Variants in CSMD1 observed in about 807,000 individuals in gnomAD.
CSMD1 encodes CUB and Sushi multiple domains 1.
Under a neutral mutation model 417.5 loss-of-function variants are expected in CSMD1, and 213 were observed. The ratio of observed to expected loss-of-function variants is 0.51; its 90% confidence interval spans 0.46 to 0.57. The LOEUF is 0.57. Among genes scored for constraint, CSMD1 ranks in the 20% least tolerant of loss-of-function variants. The pLI is 0.00. For synonymous variants in CSMD1, 2,862 were observed against 1,736.8 expected (o/e 1.65, Z -16.11); for missense variants, 6,923 against 4,529.7 (o/e 1.53, Z -15.17).
intron 49 of CSMD1, among the ~76,000 whole-genome samples, chr8:3,080,216 T>C (rs890478139): frequency 2.6e-5 from 4 of 152,224 alleles, no homozygotes; most frequent in Admixed American, 2.6e-4. Context: ...CACTCTGATG[T>C]GCCAGTTTAA....
At chr8:4,289,925 A>C (rs1052609015) in intron 3 of CSMD1, among the ~76,000 whole-genome samples, 1 of 152,250 alleles carries the variant, frequency 6.6e-6, no homozygotes, top group Non-Finnish European at 1.5e-5. Context: ...GCAAGTGAGT[A>C]ATTAGAATCA....
At chr8:4,305,884 G>A (rs1362115371) in intron 3 of CSMD1, among the ~76,000 whole-genome samples, 1 of 152,096 alleles carries the variant, frequency 6.6e-6, no homozygotes, top group Non-Finnish European at 1.5e-5. Flanking sequence ...GTGTGTATAT[G>A]CAATTGTTCT....
At chr8:3,247,512 C>A (rs561343725) in intron 26 of CSMD1, among the ~76,000 whole-genome samples, 61 of 152,196 alleles carry the variant, frequency 4.0e-4, no homozygotes, top group Non-Finnish European at 7.5e-4. Flanking sequence ...CCCATCCAAC[C>A]CTACGAGGCA....
At chr8:4,428,849 T>G (rs1253984714) in intron 2 of CSMD1, among the ~76,000 whole-genome samples, 2 of 152,016 alleles carry the variant, frequency 1.3e-5, no homozygotes, top group African/African-American at 4.8e-5. Context: ...CTCCTGAGTA[T>G]CTGGGATTAC....
chr8:3,234,618 G>C (rs1419531978), intron 26 of CSMD1, among the ~76,000 whole-genome samples: 1 of 152,180 alleles, frequency 6.6e-6, no homozygotes. Context: ...GCAAAGACTG[G>C]AACACAGGGA....
chr8:3,714,286 T>C (rs577426263), intron 6 of CSMD1, among the ~76,000 whole-genome samples: 3 of 151,166 alleles, frequency 2.0e-5, no homozygotes, highest in Non-Finnish European at 4.4e-5. Flanking sequence ...ATTTAATCAA[T>C]AGATTTCTGT....
At chr8:4,378,047 A>G (rs1375772299) in intron 3 of CSMD1, among the ~76,000 whole-genome samples, 1 of 152,232 alleles carries the variant, frequency 6.6e-6, no homozygotes, top group Non-Finnish European at 1.5e-5. Flanking sequence ...AGGTAAGTGT[A>G]ACACCCACTA....
chr8:4,753,373 T>C (rs1016527235), intron 1 of CSMD1, among the ~76,000 whole-genome samples: 1 of 151,176 alleles, frequency 6.6e-6, no homozygotes, highest in African/African-American at 2.4e-5. Flanking sequence ...TAAGGTCTGT[T>C]TTTGTCTCTT....
intron 3 of CSMD1, among the ~76,000 whole-genome samples, chr8:4,402,953 G>A (rs1804748493): frequency 1.3e-5 from 2 of 151,402 alleles, no homozygotes; most frequent in African/African-American, 4.9e-5. Flanking sequence ...CTGAGTAGCT[G>A]GGACTACAGG....
At chr8:4,377,838 C>G (rs191204658) in intron 3 of CSMD1, among the ~76,000 whole-genome samples, 3 of 152,086 alleles carry the variant, frequency 2.0e-5, no homozygotes, top group Admixed American at 1.3e-4. Flanking sequence ...ATTTTTGCCC[C>G]AATTAGTATA....
intron 3 of CSMD1, among the ~76,000 whole-genome samples, chr8:4,233,971 C>CG (rs1174986109): frequency 2.4e-5 from 3 of 125,048 alleles, no homozygotes; most frequent in Non-Finnish European, 5.0e-5. Context: ...GGTAAAACGG[C>CG]GGGGGGTGGG....
intron 10 of CSMD1, among the ~76,000 whole-genome samples, chr8:3,540,728 T>G (rs190726899): frequency 6.6e-6 from 1 of 152,082 alleles, no homozygotes; most frequent in African/African-American, 2.4e-5. Flanking sequence ...GCAAAAGACA[T>G]GAACAGACAC....
intron 12 of CSMD1, among the ~76,000 whole-genome samples, chr8:3,432,755 C>A (rs1056943997): frequency 6.6e-6 from 1 of 152,124 alleles, no homozygotes; most frequent in African/African-American, 2.4e-5. Context: ...ACCTCGTGAT[C>A]TTCCCACCTT....
chr8:4,100,655 T>G (rs907578098), intron 3 of CSMD1, among the ~76,000 whole-genome samples: 1 of 152,068 alleles, frequency 6.6e-6, no homozygotes, highest in Admixed American at 6.6e-5. Context: ...ATTTCGATGA[T>G]GGAAAAAGGG....
At chr8:3,718,294 G>T (rs537206142) in intron 6 of CSMD1, among the ~76,000 whole-genome samples, 134 of 102,092 alleles carry the variant, frequency 1.3e-3, no homozygotes, top group East Asian at 0.012. Flanking sequence ...AGGCATTCCT[G>T]CATTTTTTTT....
intron 10 of CSMD1, among the ~76,000 whole-genome samples, chr8:3,548,354 G>C (rs184212491): frequency 6.6e-6 from 1 of 152,000 alleles, no homozygotes; most frequent in Admixed American, 6.6e-5. Flanking sequence ...ACGTGATCGA[G>C]TTCTTCAGTG....
chr8:3,993,954 T>G (rs960969188), intron 5 of CSMD1, among the ~76,000 whole-genome samples: 1 of 152,090 alleles, frequency 6.6e-6, no homozygotes, highest in African/African-American at 2.4e-5. Flanking sequence ...AAACGCCCAG[T>G]AACATAAAGA....
chr8:4,412,705 A>G (rs1471489212), intron 3 of CSMD1, among the ~76,000 whole-genome samples: 2 of 152,192 alleles, frequency 1.3e-5, no homozygotes, highest in East Asian at 3.8e-4. Flanking sequence ...CGTAACCAAC[A>G]TATAAAGACA....
intron 7 of CSMD1, among the ~76,000 whole-genome samples, chr8:3,669,591 A>G (rs1798883481): frequency 6.6e-6 from 1 of 152,208 alleles, no homozygotes; most frequent in Non-Finnish European, 1.5e-5. Context: ...ACTCTTCCGG[A>G]CAGAAAATCA....
Sources: gnomAD v4.1 joint callset for allele counts (sites outside exome capture counted in the v4.1 genomes callset) on GRCh38, gnomAD v4.1.1 for gene constraint, MANE v1.5 for transcripts, NCBI Gene and HGNC (gene_info 2026-07-23, HGNC 2026-07-21) for gene names.